SEC22C: variants seen among roughly 807,000 people sequenced by gnomAD.
The protein encoded by SEC22C is vesicle-trafficking protein SEC22c.
SEC22C carries 29 observed loss-of-function variants against 34.7 expected under a neutral mutation model. The ratio of observed to expected loss-of-function variants is 0.84; its 90% CI spans 0.62 to 1.14. The LOEUF (loss-of-function observed/expected upper bound fraction) is 1.14. Ranked by LOEUF, SEC22C falls within the 50% of genes most tolerant of loss-of-function variation. The pLI, the probability that SEC22C is intolerant of heterozygous loss-of-function variation, is 0.00. For missense variants in SEC22C, 337 were observed against 369.0 expected, an observed-to-expected ratio of 0.91 and a Z score of 0.71; for synonymous variants, 117 against 132.8, an observed-to-expected ratio of 0.88 and a Z score of 0.82.
At position 42,549,220 on chromosome 3, in the gene SEC22C, C is replaced by G. The variant is rs1024261376; in HGVS notation, c.*4028G>C. 7.1e-6 allele frequency: 7 copies of G among 986,714 alleles called. No individual in the cohort carries two copies. In the African/African-American group the frequency reaches 1.2e-4, roughly 17 times the overall value. The allele number at this position is 986,714 out of a possible 1,614,324, so 61.1% of individuals were successfully genotyped here. On this transcript the variant is annotated 3_prime_UTR_variant, in exon 7 of 7. Coordinates refer to ENST00000264454, the MANE Select transcript of SEC22C (RefSeq NM_032970.4). ...AAAACATTTGGAATGTGAGCAATGT[C>G]TGAACAGGGGCTTGCCAGGCACATC... is the stretch of plus-strand genomic sequence containing the variant.
chr3:42,594,486 AG>A, intron 1 of SEC22C: 1 of 1,614,000 alleles, frequency 6.2e-7, no homozygotes, highest in Non-Finnish European at 8.5e-7. Flanking sequence ...CAGTCCAACC[AG>A]CACTTCAAAA....
At chr3:42,560,112 CTCTCTCTCTATATATA>C (rs1205376848) in intron 4 of SEC22C, among the ~76,000 whole-genome samples, 2 of 110,638 alleles carry the variant, frequency 1.8e-5, no homozygotes, top group African/African-American at 9.2e-5. Context: ...CTCTCTCTCT[CTCTCTCTCTATATATA>C]TATATATATA....
At chr3:42,588,297 C>T (rs553703804) in intron 1 of SEC22C, among the ~76,000 whole-genome samples, 23 of 142,760 alleles carry the variant, frequency 1.6e-4, no homozygotes, top group Non-Finnish European at 3.1e-4. Context: ...CCAGACTACT[C>T]GGGAGGCTGA....
chr3:42,576,400 C>A (rs1703964102), intron 1 of SEC22C, among the ~76,000 whole-genome samples: 1 of 151,702 alleles, frequency 6.6e-6, no homozygotes, highest in Non-Finnish European at 1.5e-5. Flanking sequence ...ATCAATGAAA[C>A]AAAAAGTTGG....
chr3:42,590,131 T>TCCTGC (rs1704768290), intron 1 of SEC22C, among the ~76,000 whole-genome samples: 1 of 152,160 alleles, frequency 6.6e-6, no homozygotes, highest in Non-Finnish European at 1.5e-5. Context: ...CCCAAATAAG[T>TCCTGC]CCAGGCTATG....
At chr3:42,600,054 G>GCATA (rs1705219759) in intron 1 of SEC22C, among the ~76,000 whole-genome samples, 1 of 152,168 alleles carries the variant, frequency 6.6e-6, no homozygotes, top group African/African-American at 2.4e-5. Flanking sequence ...TTCATTCAGA[G>GCATA]CATACATATA....
At chr3:42,566,885 C>A in intron 2 of SEC22C, 1 of 306,752 alleles carries the variant, frequency 3.3e-6, no homozygotes, top group Non-Finnish European at 6.8e-6. Context: ...GTAGACTCAG[C>A]TACTTGGGAG....
intron 1 of SEC22C, among the ~76,000 whole-genome samples, chr3:42,592,667 G>A (rs1157216071): frequency 6.6e-6 from 1 of 152,132 alleles, no homozygotes; most frequent in Non-Finnish European, 1.5e-5. Context: ...CTGGCATTTG[G>A]TAATTTGATT....
chr3:42,598,616 A>C (rs1705112807), intron 1 of SEC22C, among the ~76,000 whole-genome samples: 1 of 152,058 alleles, frequency 6.6e-6, no homozygotes, highest in South Asian at 2.1e-4. Context: ...GGTGTGAGCC[A>C]CCGCACCTAG....
intron 1 of SEC22C, among the ~76,000 whole-genome samples, chr3:42,575,275 T>G (rs1271526944): frequency 1.3e-5 from 2 of 152,236 alleles, no homozygotes; most frequent in Admixed American, 1.3e-4. Flanking sequence ...ACTTATTCCC[T>G]AATATATATC....
At chr3:42,560,519 A>G (rs1007720979) in intron 4 of SEC22C, among the ~76,000 whole-genome samples, 1 of 150,702 alleles carries the variant, frequency 6.6e-6, no homozygotes, top group East Asian at 1.9e-4. Context: ...TCTATTTGAA[A>G]AAAAAAAAAA....
At position 42,548,589 on chromosome 3, in the gene SEC22C, T is replaced by C. The variant is rs766632457; in HGVS notation, c.*4659A>G. 19 of 1,613,062 alleles carry C rather than the reference T, an allele frequency of 1.2e-5. No individual in the cohort carries two copies. The highest frequency in any genetic ancestry group is 1.5e-5 in the Non-Finnish European group (18 of 1,179,796). On this transcript the variant is annotated 3_prime_UTR_variant, in exon 7 of 7. Transcript: ENST00000264454. ...CTCCCGGATGGGAGAATCAGAGCTC[T>C]CCTCATTTGGGTCAGGGGTGGCTGG...
chr3:42,567,486 T>C (rs1703324140), intron 2 of SEC22C, among the ~76,000 whole-genome samples: 1 of 152,032 alleles, frequency 6.6e-6, no homozygotes, highest in African/African-American at 2.4e-5. Flanking sequence ...CTTAGTTAAG[T>C]TTTTTTTACC....
At position 42,557,672 on chromosome 3, in the gene SEC22C, A is replaced by G; in HGVS notation, c.551T>C (p.Val184Ala). ...EPAPNFRMEP[V>A]TALGILSLIL... ...GAGGGAGAGGATACCCAGGGCTGTC[A>G]CTGGTTCCATTCGGAAATTAGGAGC... Residue 184 changes from valine (V) to alanine (A), a missense_variant, in exon 5 of 7, where the codon GTG becomes GCG. Val to Ala is a moderately conservative substitution (Grantham distance 64). Transcript: ENST00000264454. 1.2e-6 allele frequency: 2 copies of G among 1,607,658 alleles called. No homozygotes were observed. The highest frequency in any genetic ancestry group is 1.3e-5 in the African/African-American group (1 of 74,820).
rs538128446 is a variant in SEC22C at position 42,550,151 on chromosome 3, G to T, written c.*3097C>A. Reference sequence around the variant, plus strand: ...TCCTAAGAGCATGGAGCCACACTCTGGCCTTGATACAGTAGATGGGACTTA... The same window carrying T: ...TCCTAAGAGCATGGAGCCACACTCTTGCCTTGATACAGTAGATGGGACTTA... On this transcript the variant is annotated 3_prime_UTR_variant, in exon 7 of 7. Transcript: ENST00000264454. 11 of 985,474 alleles carry T rather than the reference G, an allele frequency of 1.1e-5. No individual in the cohort carries two copies. The East Asian group carries it at 5.7e-4, about 51-fold the overall frequency. 61.0% of individuals were successfully genotyped at this position (985,474 alleles called of 1,614,324 possible).
In SEC22C at chr3:42,563,594, C is replaced by T. The variant is rs1703053631; in HGVS notation, c.275G>A (p.Trp92Ter). ...AGTGTCATAGGAAGCTGTGAATTCC[C>T]ACCACAGGGTCTCCAGGAAGCAGAA... ...MAFCFLETLW[W>*]EFTASYDTTC... Residue 92 changes from tryptophan to a stop codon, truncating the protein, a stop_gained, in exon 3 of 7, where the codon TGG becomes TAG. Coordinates refer to ENST00000264454, the MANE Select transcript of SEC22C (RefSeq NM_032970.4). LOFTEE classifies it high-confidence loss of function. 5 of 1,614,034 alleles carry T rather than the reference C, an allele frequency of 3.1e-6. No homozygotes were observed. The highest frequency in any genetic ancestry group is 2.2e-5 in the East Asian group (1 of 44,898).
intron 3 of SEC22C, among the ~76,000 whole-genome samples, chr3:42,561,759 A>G (rs1369438882): frequency 1.3e-5 from 2 of 152,220 alleles, no homozygotes; most frequent in African/African-American, 4.8e-5. Flanking sequence ...ACAAAGGCCA[A>G]ATGATTGCTA....
At chr3:42,585,662 T>C (rs1704586330), upstream of SEC22C, among the ~76,000 whole-genome samples, 1 of 152,198 alleles carries the variant, frequency 6.6e-6, no homozygotes. Flanking sequence ...TGCACAGTTA[T>C]CTTTCTGGCA....
At chr3:42,567,671 T>C (rs754286371) in intron 2 of SEC22C, among the ~76,000 whole-genome samples, 2 of 152,308 alleles carry the variant, frequency 1.3e-5, no homozygotes, top group Middle Eastern at 3.4e-3. Context: ...CACTGTATTA[T>C]AGTTAGTTAT....
Sources: allele counts gnomAD v4.1 joint callset (sites outside exome capture counted in the v4.1 genomes callset), GRCh38; gene constraint gnomAD v4.1.1; transcripts MANE v1.5; gene names NCBI Gene and HGNC (gene_info 2026-07-23, HGNC 2026-07-21).